EIF2AK4: variants seen among roughly 807,000 people sequenced by gnomAD.
The protein encoded by EIF2AK4 is eukaryotic translation initiation factor 2 alpha kinase 4, also known as eIF-2-alpha kinase GCN2.
A neutral mutation model predicts 211.1 loss-of-function variants in EIF2AK4; 139 were observed. That is an observed-to-expected ratio of 0.66 (90% CI 0.57 to 0.76). The LOEUF is 0.76. Ranked by LOEUF, EIF2AK4 falls within the 30% of genes least tolerant of loss-of-function variation. EIF2AK4 has a pLI of 0.00. For missense variants in EIF2AK4, 1,664 were observed against 2,043.8 expected (o/e 0.81, Z 3.58); for synonymous variants, 710 against 751.3 (o/e 0.94, Z 0.90).
chr15:39,951,677 C>T, intron 4 of EIF2AK4: 1 of 208,268 alleles, frequency 4.8e-6, no homozygotes, highest in South Asian at 6.9e-5. Flanking sequence ...CTTCACTCCT[C>T]CAGTAGAAGG....
At position 39,976,693 on chromosome 15, in the gene EIF2AK4, G is replaced by T; in HGVS notation, c.2098G>T (p.Ala700Ser). 1 of 1,600,932 alleles carries T rather than the reference G, an allele frequency of 6.2e-7. No homozygotes were observed. Among genetic ancestry groups the T allele is most frequent in the African/African-American group, 1.4e-5 (1 of 74,028 alleles). The change falls in exon 12 of 39, where the codon GCG (alanine) becomes TCG (serine). Residue 700 changes from alanine (A) to serine (S), a missense_variant. Coordinates refer to ENST00000263791, the MANE Select transcript of EIF2AK4 (RefSeq NM_001013703.4). ...CGGCCTGGACAGCGTAGAGGCCGCC[G>T]CGCCGCCACCCATCCTCAGCAGCTC... ...TDGLDSVEAA[A>S]PPPILSSSVE...
At chr15:39,973,402 T>A (rs987354682) in intron 10 of EIF2AK4, among the ~76,000 whole-genome samples, 190 bp from the exon 11 acceptor site, 5 of 152,214 alleles carry the variant, frequency 3.3e-5, no homozygotes, top group African/African-American at 1.2e-4. Context: ...AAACTTGGGC[T>A]AATTATATAT....
Position 39,973,238 on chromosome 15 carries a change from T to C in EIF2AK4, c.1660+224T>C, listed in dbSNP as rs142008058. On this transcript the variant is annotated intron_variant, in intron 10 of 38. Transcript: ENST00000263791. ...GAATGTCCATTGCTGTAGTCTCTTG[T>C]AGTGTTTAGTCACCCATAGTGCCAT... Among the ~76,000 whole-genome samples, 397 of 152,306 alleles carry C rather than the reference T, an allele frequency of 2.6e-3. 2 individuals are homozygous for C. The highest frequency in any genetic ancestry group is 6.7e-3 in the African/African-American group (279 of 41,554).
intron 2 of EIF2AK4, among the ~76,000 whole-genome samples, chr15:39,941,415 A>T (rs1412724161): frequency 6.6e-6 from 1 of 152,058 alleles, no homozygotes; most frequent in African/African-American, 2.4e-5. Flanking sequence ...TGCTCCTCTC[A>T]CCCCTGTTGC....
chr15:39,973,972 C>T (rs2034659648), intron 11 of EIF2AK4: 1 of 408,494 alleles, frequency 2.4e-6, no homozygotes. Context: ...TCATGTGGAG[C>T]ATTAACATGA....
intron 34 of EIF2AK4, among the ~76,000 whole-genome samples, chr15:40,029,890 A>T (rs1452005908): frequency 6.6e-6 from 1 of 152,224 alleles, no homozygotes; most frequent in Non-Finnish European, 1.5e-5. Context: ...CACCTCTAGC[A>T]ACCTTACTTC....
At chr15:39,977,758 TTTA>T (rs2034721492) in intron 12 of EIF2AK4, 1 of 180,704 alleles carries the variant, frequency 5.5e-6, no homozygotes, top group African/African-American at 2.3e-5. Flanking sequence ...GATCCTAAAT[TTTA>T]TGCTTCTCAG....
chr15:39,993,034 A>G (rs967953357), intron 18 of EIF2AK4, among the ~76,000 whole-genome samples, 186 bp downstream of exon 18: 4 of 128,514 alleles, frequency 3.1e-5, no homozygotes, highest in African/African-American at 1.1e-4. Context: ...CTTACAGTCC[A>G]TCCATCCATC....
At chr15:39,979,491 C>CT (rs1477044698) in intron 13 of EIF2AK4, among the ~76,000 whole-genome samples, 1 of 152,176 alleles carries the variant, frequency 6.6e-6, no homozygotes, top group African/African-American at 2.4e-5. Context: ...AAAGATAGAT[C>CT]TTCTGCTGCT....
intron 35 of EIF2AK4, among the ~76,000 whole-genome samples, chr15:40,031,005 CGAG>C (rs1319292158): frequency 6.6e-6 from 1 of 152,024 alleles, no homozygotes; most frequent in African/African-American, 2.4e-5. Flanking sequence ...TTTGGGAGGC[CGAG>C]GAGGGCGGAT....
intron 33 of EIF2AK4, among the ~76,000 whole-genome samples, chr15:40,028,192 C>T (rs1289116906): frequency 6.6e-6 from 1 of 151,772 alleles, no homozygotes; most frequent in Non-Finnish European, 1.5e-5. Context: ...TCCTTCTTGG[C>T]CTCCTGAGTA....
chr15:39,976,885 C>T (rs756990850), intron 12 of EIF2AK4, 41 bp downstream of exon 12: 1 of 1,426,468 alleles, frequency 7.0e-7, no homozygotes, highest in South Asian at 1.6e-5. Flanking sequence ...GATGCGCCCC[C>T]TAGTTTCCTT....
intron 4 of EIF2AK4, among the ~76,000 whole-genome samples, chr15:39,953,311 ATC>A (rs2140904774): frequency 6.6e-6 from 1 of 152,300 alleles, no homozygotes; most frequent in East Asian, 1.9e-4. Context: ...TTTTTGGTGA[ATC>A]TCTTAATAGT....
chr15:39,939,838 T>C (rs1248600818), intron 2 of EIF2AK4, among the ~76,000 whole-genome samples: 1 of 152,268 alleles, frequency 6.6e-6, no homozygotes, highest in African/African-American at 2.4e-5. Context: ...CAGATACTTA[T>C]ATTTGCCTAG....
At chr15:40,003,152 T>C in intron 22 of EIF2AK4, 41 bp from the exon 23 acceptor site, 3 of 1,609,820 alleles carry the variant, frequency 1.9e-6, no homozygotes, top group Non-Finnish European at 2.5e-6. Context: ...CTAAGGAGAA[T>C]GTGAACCTGA....
intron 20 of EIF2AK4, among the ~76,000 whole-genome samples, chr15:39,999,512 T>G (rs1349654468): frequency 6.6e-6 from 1 of 152,170 alleles, no homozygotes; most frequent in Non-Finnish European, 1.5e-5. Context: ...AAAGCATAGA[T>G]GGAATATTGT....
chr15:39,943,880 A>G (rs2034183952), intron 3 of EIF2AK4, among the ~76,000 whole-genome samples: 1 of 152,138 alleles, frequency 6.6e-6, no homozygotes, highest in Admixed American at 6.5e-5. Flanking sequence ...GCGTGAGCCC[A>G]GGAGTTTGAG....
intron 23 of EIF2AK4, among the ~76,000 whole-genome samples, chr15:40,004,974 T>C (rs769432190): frequency 6.3e-4 from 96 of 152,294 alleles, no homozygotes; most frequent in Non-Finnish European, 1.2e-3. Context: ...CAACTGTGGA[T>C]GGAAAATACT....
chr15:39,999,935 A>G (rs777684574), intron 20 of EIF2AK4, among the ~76,000 whole-genome samples: 6 of 152,176 alleles, frequency 3.9e-5, no homozygotes, highest in Admixed American at 6.5e-5. Context: ...CATCAGATAT[A>G]TATTAGATAC....
Sources: allele counts gnomAD v4.1 joint callset (sites outside exome capture counted in the v4.1 genomes callset), GRCh38; gene constraint gnomAD v4.1.1; transcripts MANE v1.5; gene names NCBI Gene and HGNC (gene_info 2026-07-23, HGNC 2026-07-21).